The following ALPK2 variants were observed in gnomAD, a reference collection of about 807,000 sequenced individuals.
ALPK2 encodes alpha kinase 2.
In ALPK2, 127 loss-of-function variants were observed where a neutral mutation model predicts 163.1. That is an observed-to-expected ratio of 0.78 (90% CI 0.67 to 0.90). The LOEUF (loss-of-function observed/expected upper bound fraction) is 0.90. Among genes scored for constraint, ALPK2 ranks in the 40% least tolerant of loss-of-function variants. The pLI, the probability that ALPK2 is intolerant of heterozygous loss-of-function variation, is 0.00. For synonymous variants in ALPK2, 953 were observed against 959.1 expected (o/e 0.99, Z 0.12); for missense variants, 2,360 against 2,589.6 (o/e 0.91, Z 1.92).
chr18:58,551,663 T>G (rs2051760901), intron 4 of ALPK2, among the ~76,000 whole-genome samples: 1 of 152,182 alleles, frequency 6.6e-6, no homozygotes, highest in South Asian at 2.1e-4. Flanking sequence ...CTTGACTGGG[T>G]GGGTGGTGTA....
chr18:58,488,591 A>G (rs569732064), intron 12 of ALPK2, among the ~76,000 whole-genome samples: 3 of 151,736 alleles, frequency 2.0e-5, no homozygotes, highest in African/African-American at 7.3e-5. Context: ...AAATGGAGAC[A>G]GGCAAGGCAA....
chr18:58,541,670 G>C (rs1401636176), intron 4 of ALPK2, among the ~76,000 whole-genome samples: 1 of 152,228 alleles, frequency 6.6e-6, no homozygotes, highest in Non-Finnish European at 1.5e-5. Context: ...GAACATAACA[G>C]AGATTGCTGG....
At position 58,536,839 on chromosome 18, in the gene ALPK2, T is replaced by C; in HGVS notation, c.3348A>G (p.Arg1116=). The change falls in exon 5 of 13, where the codon AGA becomes AGG. Residue 1116 remains arginine, a synonymous_variant. Transcript: ENST00000361673. ...LSGDKSQTVD[R]ADFRSYEENF... ...TCTCTTCATAGCTCCTAAAGTCTGC[T>C]CTGTCCACAGTCTGGCTCTTATCTC... is the stretch of plus-strand genomic sequence containing the variant. 6.2e-7 allele frequency: 1 copy of C among 1,614,196 alleles called. No homozygotes were observed. The highest frequency in any genetic ancestry group is 8.5e-7 in the Non-Finnish European group (1 of 1,180,034).
chr18:58,533,634 T>A (rs2051627698), intron 5 of ALPK2, among the ~76,000 whole-genome samples: 1 of 151,920 alleles, frequency 6.6e-6, no homozygotes, highest in African/African-American at 2.4e-5. Context: ...TTTTGTATTT[T>A]TCGTAGAGAT....
chr18:58,541,797 C>T (rs968720702), intron 4 of ALPK2, among the ~76,000 whole-genome samples: 4 of 152,146 alleles, frequency 2.6e-5, no homozygotes, highest in African/African-American at 9.6e-5. Flanking sequence ...TTTAACAGCC[C>T]AGTTCATATT....
At chr18:58,493,392 C>G (rs181498322) in intron 12 of ALPK2, among the ~76,000 whole-genome samples, 1 of 152,088 alleles carries the variant, frequency 6.6e-6, no homozygotes, top group East Asian at 1.9e-4. Context: ...CGTGTTTCTT[C>G]GGATTAGATT....
chr18:58,560,172 C>T (rs530503793), intron 4 of ALPK2, among the ~76,000 whole-genome samples: 5 of 152,164 alleles, frequency 3.3e-5, no homozygotes, highest in Non-Finnish European at 7.3e-5. Context: ...TTTCCCGCAC[C>T]GTTCTCATGA....
chr18:58,605,785 G>A (rs936621576), intron 3 of ALPK2, among the ~76,000 whole-genome samples: 5 of 152,198 alleles, frequency 3.3e-5, no homozygotes, highest in East Asian at 3.9e-4. Context: ...ATGCCAATCC[G>A]GCTGTCTCCC....
chr18:58,514,880 A>G, intron 10 of ALPK2, 113 bp downstream of exon 10: 1 of 631,908 alleles, frequency 1.6e-6, no homozygotes, highest in Non-Finnish European at 2.6e-6. Context: ...CATGGAGCTT[A>G]CAGACTGAGA....
intron 10 of ALPK2, among the ~76,000 whole-genome samples, chr18:58,513,328 C>T (rs1568071131): frequency 6.6e-6 from 1 of 152,002 alleles, no homozygotes. Context: ...AACATGGAGT[C>T]TGGCCCAGAG....
At chr18:58,544,041 G>A (rs2051704962) in intron 4 of ALPK2, among the ~76,000 whole-genome samples, 1 of 152,150 alleles carries the variant, frequency 6.6e-6, no homozygotes, top group Non-Finnish European at 1.5e-5. Flanking sequence ...TTCCCTACAA[G>A]GTCTAAGGGT....
At chr18:58,512,966 T>TGTGTGTGGGG (rs2051500810) in intron 10 of ALPK2, among the ~76,000 whole-genome samples, 3 of 142,342 alleles carry the variant, frequency 2.1e-5, no homozygotes, top group Non-Finnish European at 4.6e-5. Flanking sequence ...GTATGTGTGG[T>TGTGTGTGGGG]GTGTGTATGT....
At position 58,521,627 on chromosome 18, in the gene ALPK2, C is replaced by CTTTTT. The variant is rs398033036; in HGVS notation, c.5665+2174_5665+2178dup. On this transcript the variant is annotated intron_variant, in intron 8 of 12. Transcript: ENST00000361673. ...TTTCTTTTTCTTTCTTTCTCTCTCT[C>CTTTTT]TTTTTTTTTTTTTTTTTTTGAGATG... is the stretch of plus-strand genomic sequence containing the variant. 2.1e-3 allele frequency among the ~76,000 whole-genome samples: 116 copies of CTTTTT among 55,380 alleles called. 8 individuals are homozygous for CTTTTT. The highest frequency in any genetic ancestry group is 3.2e-3 in the South Asian group (4 of 1,260). 36.3% of individuals were successfully genotyped at this position (55,380 alleles called of 152,430 possible).
At position 58,536,709 on chromosome 18, in the gene ALPK2, T is replaced by C; in HGVS notation, c.3478A>G (p.Thr1160Ala). 6.2e-7 allele frequency: 1 copy of C among 1,614,134 alleles called. No homozygotes were observed. The highest frequency in any genetic ancestry group is 8.5e-7 in the Non-Finnish European group (1 of 1,180,014). ...APDFQQSLPTTSAAQEERNLV... is the reference protein window; with the variant it reads ...APDFQQSLPTASAAQEERNLV... The stretch of plus-strand genomic sequence containing the variant: ...TTTCTTTCCTCTTGTGCAGCAGATG[T>C]CGTAGGCAAACTTTGTTGGAAATCA... The change falls in exon 5 of 13, where the codon ACA (threonine) becomes GCA (alanine). Residue 1160 changes from threonine to alanine, a missense_variant. Physicochemically the swap from Thr to Ala is moderately conservative, Grantham distance 58. Coordinates refer to ENST00000361673, the MANE Select transcript of ALPK2 (RefSeq NM_052947.4).
intron 4 of ALPK2, among the ~76,000 whole-genome samples, chr18:58,575,217 A>AG (rs1231825108): frequency 4.7e-5 from 7 of 148,210 alleles, no homozygotes; most frequent in African/African-American, 1.3e-4. Context: ...AAAAAAAAAA[A>AG]AAGAAGAAGA....
intron 3 of ALPK2, among the ~76,000 whole-genome samples, chr18:58,605,630 G>A (rs1663442086): frequency 6.6e-6 from 1 of 152,198 alleles, no homozygotes; most frequent in South Asian, 2.1e-4. Context: ...TTTGAGGCTA[G>A]ACAAACCCAT....
chr18:58,589,442 A>G (rs1161273544), intron 3 of ALPK2, among the ~76,000 whole-genome samples: 1 of 152,224 alleles, frequency 6.6e-6, no homozygotes, highest in Non-Finnish European at 1.5e-5. Context: ...AAATATGAGT[A>G]AGAACTAAGC....
At chr18:58,591,974 G>A (rs2144210626) in intron 3 of ALPK2, among the ~76,000 whole-genome samples, 1 of 152,326 alleles carries the variant, frequency 6.6e-6, no homozygotes, top group East Asian at 1.9e-4. Flanking sequence ...ATACTAAGGG[G>A]TTTAGACCTC....
At position 58,579,951 on chromosome 18, in the gene ALPK2, C is replaced by T. The variant is rs756736918; in HGVS notation, c.825G>A (p.Pro275=). The T allele has an allele frequency of 2.0e-5, 32 of 1,614,054 alleles. No individual in the cohort carries two copies. The highest frequency in any genetic ancestry group is 3.3e-5 in the Admixed American group (2 of 60,004). The part of the protein sequence containing the change: ...KVQKYISFSL[P]LSEATAHIYP... ...AAATGTGTGCAGTTGCCTCAGATAGCGGGAGGCTGAAGCTAATGTATTTCT... is the reference window on the plus strand; with the variant it reads ...AAATGTGTGCAGTTGCCTCAGATAGTGGGAGGCTGAAGCTAATGTATTTCT... The change falls in exon 4 of 13, where the codon CCG becomes CCA. Residue 275 remains proline (P), a synonymous_variant. Transcript: ENST00000361673.
Sources: allele counts gnomAD v4.1 joint callset (sites outside exome capture counted in the v4.1 genomes callset), GRCh38; gene constraint gnomAD v4.1.1; transcripts MANE v1.5; gene names NCBI Gene and HGNC (gene_info 2026-07-23, HGNC 2026-07-21).